The following RANBP9 variants were observed in gnomAD, a reference collection of about 807,000 sequenced individuals.
RANBP9 encodes RAN binding protein 9.
Under a neutral mutation model 84.3 loss-of-function variants are expected in RANBP9, and 15 were observed. The observed-to-expected ratio is 0.18, with a 90% CI of 0.12 to 0.27. The LOEUF is 0.27. Among genes scored for constraint, RANBP9 ranks in the 10% least tolerant of loss-of-function variants. The pLI, the probability that RANBP9 is intolerant of heterozygous loss-of-function variation, is 1.00. For synonymous variants in RANBP9, 392 were observed against 349.6 expected (o/e 1.12, Z -1.35); for missense variants, 809 against 912.8 (o/e 0.89, Z 1.46).
intron 2 of RANBP9, among the ~76,000 whole-genome samples, chr6:13,687,928 C>T (rs960170607): frequency 2.6e-5 from 4 of 152,208 alleles, no homozygotes; most frequent in Admixed American, 6.5e-5. Context: ...CAGACACATT[C>T]CTCCCACAAA....
At chr6:13,670,121 C>T (rs529647298) in intron 2 of RANBP9, among the ~76,000 whole-genome samples, 69 of 151,996 alleles carry the variant, frequency 4.5e-4, no homozygotes, top group African/African-American at 1.6e-3. Context: ...AGCAAAAGCC[C>T]ATCTGTACTA....
chr6:13,681,200 C>T (rs988598061), intron 2 of RANBP9, among the ~76,000 whole-genome samples: 1 of 152,032 alleles, frequency 6.6e-6, no homozygotes, highest in East Asian at 1.9e-4. Flanking sequence ...ATATAACATT[C>T]TGGCTTCAAA....
chr6:13,705,868 C>CAAAAAAAAAAAAAAAAA (rs767070995), intron 1 of RANBP9, among the ~76,000 whole-genome samples: 56 of 76,674 alleles, frequency 7.3e-4, no homozygotes, highest in East Asian at 2.2e-3. Flanking sequence ...GACTCCGTCT[C>CAAAAAAAAAAAAAAAAA]AAAAAAAAAA....
chr6:13,702,600 A>G (rs1419069535), intron 1 of RANBP9, among the ~76,000 whole-genome samples: 1 of 152,194 alleles, frequency 6.6e-6, no homozygotes, highest in Non-Finnish European at 1.5e-5. Context: ...TCTCTAACAC[A>G]ATACTTTCCA....
chr6:13,711,473 C>T lies in RANBP9; in HGVS notation c.33G>A (p.Gln11=). ...ACAGCTGCTGCTGCTGTTGCTGCTG[C>T]TGCGGCGGCGGCGGCGGCGGCTGCC... MSGQPPPPPP[Q]QQQQQQQLSP... is the part of the protein sequence containing the mutation. Residue 11 remains glutamine, a synonymous_variant, in exon 1 of 14, where the codon CAG becomes CAA. Coordinates refer to ENST00000011619, the MANE Select transcript of RANBP9 (RefSeq NM_005493.3). 17 of 1,242,774 alleles carry T rather than the reference C, an allele frequency of 1.4e-5. No homozygotes were observed. Among genetic ancestry groups the T allele is most frequent in the Non-Finnish European group, 1.7e-5 (17 of 993,230 alleles). 77.0% of individuals were successfully genotyped at this position (1,242,774 alleles called of 1,614,324 possible).
intron 5 of RANBP9, among the ~76,000 whole-genome samples, chr6:13,646,118 T>A (rs1029500643): frequency 2.4e-4 from 36 of 152,044 alleles, no homozygotes; most frequent in African/African-American, 8.0e-4. Context: ...CTAAAGACTT[T>A]ATAGAAACAG....
intron 8 of RANBP9, 86 bp from the exon 9 acceptor site, chr6:13,639,839 A>G (rs761553497): frequency 4.2e-6 from 5 of 1,181,792 alleles, no homozygotes; most frequent in Non-Finnish European, 5.9e-6. Context: ...AATATTTTTA[A>G]AACTTTGATT....
chr6:13,687,005 A>G (rs1257551744), intron 2 of RANBP9, among the ~76,000 whole-genome samples: 2 of 152,226 alleles, frequency 1.3e-5, no homozygotes, highest in Admixed American at 1.3e-4. Flanking sequence ...AGAATCTTAG[A>G]TGATTATGTA....
chr6:13,678,754 T>A (rs1765956416), intron 2 of RANBP9, among the ~76,000 whole-genome samples: 1 of 152,188 alleles, frequency 6.6e-6, no homozygotes, highest in Non-Finnish European at 1.5e-5. Context: ...TTCCCCTGTG[T>A]AGCATGCAGT....
Position 13,700,405 on chromosome 6 carries a change from G to C in RANBP9, c.572-3509C>G, listed in dbSNP as rs149035836. Among the ~76,000 whole-genome samples the C allele has an allele frequency of 3.3e-3, 506 of 152,188 alleles. 2 individuals carry two copies. Among genetic ancestry groups the C allele is most frequent in the African/African-American group, 0.012 (492 of 41,504 alleles). On this transcript the variant is annotated intron_variant, in intron 1 of 13. Coordinates refer to ENST00000011619, the MANE Select transcript of RANBP9 (RefSeq NM_005493.3). ...TTTCCACCTCCTTTCTGCTCCAGCC[G>C]CATCAGCACTATTTCAATTCTTCAC...
chr6:13,641,450 C>A (rs1286509443), intron 7 of RANBP9, 143 bp from the exon 8 acceptor site: 2 of 566,610 alleles, frequency 3.5e-6, no homozygotes, highest in Non-Finnish European at 6.0e-6. Context: ...ATCATAGTTT[C>A]CATTAGGCAA....
intron 2 of RANBP9, among the ~76,000 whole-genome samples, chr6:13,659,198 G>C (rs1161170930): frequency 6.8e-6 from 1 of 146,674 alleles, no homozygotes; most frequent in Non-Finnish European, 1.5e-5. Context: ...AAAATGTTAA[G>C]GAAACAAATG....
At chr6:13,646,755 A>G (rs1296007195) in intron 5 of RANBP9, among the ~76,000 whole-genome samples, 3 of 152,230 alleles carry the variant, frequency 2.0e-5, no homozygotes, top group Admixed American at 1.3e-4. Flanking sequence ...CTCTCTAGAA[A>G]AAAAAATCTG....
chr6:13,694,220 T>A (rs145867824), intron 2 of RANBP9, among the ~76,000 whole-genome samples: 1 of 152,210 alleles, frequency 6.6e-6, no homozygotes, highest in South Asian at 2.1e-4. Context: ...AAAACCTGTA[T>A]ATACATGTTT....
At chr6:13,649,151 C>T (rs1268116361) in intron 5 of RANBP9, among the ~76,000 whole-genome samples, 1 of 152,082 alleles carries the variant, frequency 6.6e-6, no homozygotes, top group Non-Finnish European at 1.5e-5. Context: ...CTTGATGCTT[C>T]CTTTAAAAGG....
Position 13,622,372 on chromosome 6 carries a change from T to C in RANBP9, c.2180A>G (p.Tyr727Cys), listed in dbSNP as rs762620388. 1.4e-5 allele frequency: 22 copies of C among 1,582,690 alleles called. No individual in the cohort carries two copies. The highest frequency in any genetic ancestry group is 1.7e-4 in the Middle Eastern group (1 of 5,948). The change falls in exon 14 of 14, where the codon TAC (tyrosine) becomes TGC (cysteine). Residue 727 changes from tyrosine (Y) to cysteine (C), a missense_variant. Around this residue, in one of 5 missense-constraint regions of RANBP9, gnomAD observed 233 missense variants for 234.4 expected, o/e 0.99. Transcript: ENST00000011619. ...GSCAFATVED[Y>C]LH is the part of the protein sequence containing the mutation. Reference sequence around the variant, plus strand: ...TCTTGAAATGCATAGCTAATGTAGGTAGTCTTCCACTGTGGCAAATGCGCA... The same window carrying C: ...TCTTGAAATGCATAGCTAATGTAGGCAGTCTTCCACTGTGGCAAATGCGCA...
chr6:13,694,578 T>A (rs1404979146), intron 2 of RANBP9, among the ~76,000 whole-genome samples: 1 of 152,198 alleles, frequency 6.6e-6, no homozygotes, highest in Non-Finnish European at 1.5e-5. Context: ...TCCGCATTTA[T>A]CTGTGGTTTT....
chr6:13,673,846 G>C (rs1183675181), intron 2 of RANBP9, among the ~76,000 whole-genome samples: 1 of 152,092 alleles, frequency 6.6e-6, no homozygotes, highest in Non-Finnish European at 1.5e-5. Flanking sequence ...CCTTCAGAAG[G>C]CCGAGGCAGG....
intron 2 of RANBP9, among the ~76,000 whole-genome samples, chr6:13,669,782 AGG>A (rs1182697914): frequency 6.6e-6 from 1 of 151,980 alleles, no homozygotes; most frequent in Non-Finnish European, 1.5e-5. Context: ...TTGTACAGAC[AGG>A]GTTTCTCCAT....
Sources: gnomAD v4.1 joint callset for allele counts (sites outside exome capture counted in the v4.1 genomes callset) on GRCh38, gnomAD v4.1.1 for gene constraint, gnomAD v4.1.1 regional missense constraint, MANE v1.5 for transcripts, NCBI Gene and HGNC (gene_info 2026-07-23, HGNC 2026-07-21) for gene names.